AGBL4: variants seen among roughly 807,000 people sequenced by gnomAD.
AGBL4 encodes cytosolic carboxypeptidase 6.
In AGBL4, 58 loss-of-function variants were observed where a neutral mutation model predicts 66.4. That is an observed-to-expected ratio of 0.87 (90% CI 0.71 to 1.09). The LOEUF (loss-of-function observed/expected upper bound fraction) is 1.09. Ranked by LOEUF, AGBL4 falls within the 50% of genes least tolerant of loss-of-function variation. The probability of loss-of-function intolerance (pLI) is 0.00; values close to 1 mark genes in which losing one functional copy is unlikely to be tolerated. For synonymous variants in AGBL4, 234 were observed against 222.9 expected, an observed-to-expected ratio of 1.05 and a Z score of -0.44; for missense variants, 579 against 631.0, an observed-to-expected ratio of 0.92 and a Z score of 0.88.
intron 5 of AGBL4, among the ~76,000 whole-genome samples, chr1:48,903,431 A>G (rs954973775): frequency 6.6e-6 from 1 of 152,198 alleles, no homozygotes; most frequent in Admixed American, 6.5e-5. Flanking sequence ...TTGCTTGTAG[A>G]CTTGGCCTGA....
chr1:48,857,699 T>C (rs923636336), intron 6 of AGBL4, among the ~76,000 whole-genome samples: 1 of 151,748 alleles, frequency 6.6e-6, no homozygotes, highest in Non-Finnish European at 1.5e-5. Context: ...CCAGCCTGGG[T>C]GACAAAGTGA....
At chr1:49,625,135 C>T (rs945941730) in intron 3 of AGBL4, among the ~76,000 whole-genome samples, 1 of 152,136 alleles carries the variant, frequency 6.6e-6, no homozygotes, top group Non-Finnish European at 1.5e-5. Context: ...CCCAGTTGTT[C>T]CCTAAACTAC....
chr1:48,871,213 A>T (rs1185128725), intron 5 of AGBL4, among the ~76,000 whole-genome samples: 1 of 152,080 alleles, frequency 6.6e-6, no homozygotes, highest in African/African-American at 2.4e-5. Context: ...TTTAATATGG[A>T]TGGTAGGATA....
downstream of AGBL4, among the ~76,000 whole-genome samples, chr1:48,530,471 A>C (rs1229328102): frequency 1.3e-5 from 2 of 152,204 alleles, no homozygotes; most frequent in Non-Finnish European, 2.9e-5. Context: ...CAGGTGTGTC[A>C]GTTGAGTTAC....
At chr1:49,773,981 A>G (rs1644132507) in intron 2 of AGBL4, among the ~76,000 whole-genome samples, 2 of 152,202 alleles carry the variant, frequency 1.3e-5, no homozygotes, top group Admixed American at 6.5e-5. Flanking sequence ...GAATTTAGTG[A>G]AATGACTGTG....
intron 6 of AGBL4, among the ~76,000 whole-genome samples, chr1:48,756,400 T>G (rs898783196): frequency 4.6e-5 from 7 of 152,192 alleles, no homozygotes; most frequent in African/African-American, 1.7e-4. Context: ...TGTTTCAGGA[T>G]CTGTTCCCCT....
intron 5 of AGBL4, among the ~76,000 whole-genome samples, chr1:48,931,719 G>A (rs1655052382): frequency 1.3e-5 from 2 of 152,102 alleles, no homozygotes; most frequent in African/African-American, 4.8e-5. Flanking sequence ...ATGTTGACCA[G>A]CCTGGTCTTG....
At chr1:48,687,319 A>C (rs574477666) in intron 6 of AGBL4, among the ~76,000 whole-genome samples, 4 of 152,310 alleles carry the variant, frequency 2.6e-5, no homozygotes, top group Admixed American at 2.0e-4. Flanking sequence ...GTATCCAGAG[A>C]CTGTGAGGCT....
chr1:48,961,843 C>T (rs908813905), intron 5 of AGBL4, among the ~76,000 whole-genome samples: 1 of 152,198 alleles, frequency 6.6e-6, no homozygotes, highest in African/African-American at 2.4e-5. Flanking sequence ...CACCTAAGAT[C>T]AGGAGCCACC....
Position 49,703,324 on chromosome 1 carries a change from T to C in AGBL4, c.158-5887A>G, listed in dbSNP as rs56036646. Among the ~76,000 whole-genome samples, 1,002 of 151,984 alleles carry C rather than the reference T, an allele frequency of 6.6e-3. 13 individuals carry two copies. Among genetic ancestry groups the C allele is most frequent in the African/African-American group, 0.023 (946 of 41,480 alleles). Reference sequence around the variant, plus strand: ...CATTCTTAAAATAAAATAATTCCATTTACAATAGCATCAAAATAATACTTA... The same window carrying C: ...CATTCTTAAAATAAAATAATTCCATCTACAATAGCATCAAAATAATACTTA... On this transcript the variant is annotated intron_variant, in intron 2 of 13. Transcript: ENST00000371839.
At chr1:48,685,564 T>C (rs1254967708) in intron 6 of AGBL4, among the ~76,000 whole-genome samples, 1 of 152,156 alleles carries the variant, frequency 6.6e-6, no homozygotes, top group African/African-American at 2.4e-5. Flanking sequence ...AAACTGACAG[T>C]ACTTACTCCT....
At chr1:48,873,853 T>C (rs1304709886) in intron 5 of AGBL4, among the ~76,000 whole-genome samples, 1 of 152,056 alleles carries the variant, frequency 6.6e-6, no homozygotes, top group Non-Finnish European at 1.5e-5. Flanking sequence ...TACGAGTCTA[T>C]GGTTAAAAAT....
chr1:49,594,161 T>C (rs140780108), intron 3 of AGBL4, among the ~76,000 whole-genome samples: 52 of 152,218 alleles, frequency 3.4e-4, no homozygotes, highest in Non-Finnish European at 1.5e-5. Context: ...AAACTCTGCA[T>C]ATAAGTAAAC....
intron 5 of AGBL4, among the ~76,000 whole-genome samples, chr1:48,910,121 A>G (rs1219148564): frequency 1.3e-5 from 2 of 152,244 alleles, no homozygotes; most frequent in Non-Finnish European, 2.9e-5. Context: ...CTCAATGTAT[A>G]ATACAATAAA....
chr1:48,794,651 CT>C (rs1354287200), intron 6 of AGBL4, among the ~76,000 whole-genome samples: 1 of 152,090 alleles, frequency 6.6e-6, no homozygotes, highest in African/African-American at 2.4e-5. Context: ...AATGTTTTTC[CT>C]CTTAATTTCA....
At chr1:49,918,058 C>A (rs1010886292) in intron 1 of AGBL4, among the ~76,000 whole-genome samples, 41 of 152,114 alleles carry the variant, frequency 2.7e-4, no homozygotes, top group Non-Finnish European at 5.1e-4. Context: ...CACAACATAC[C>A]AGAATCTCTG....
chr1:49,878,495 T>G (rs1406674119), intron 1 of AGBL4, among the ~76,000 whole-genome samples: 1 of 152,134 alleles, frequency 6.6e-6, no homozygotes, highest in Non-Finnish European at 1.5e-5. Flanking sequence ...AATTCTGAGT[T>G]CTACTTTGAT....
chr1:48,931,282 A>C (rs570065897), intron 5 of AGBL4, among the ~76,000 whole-genome samples: 1 of 152,352 alleles, frequency 6.6e-6, no homozygotes, highest in Non-Finnish European at 1.5e-5. Flanking sequence ...GTAGGCAACA[A>C]CATGACAGGA....
intron 11 of AGBL4, 33 bp from the exon 12 acceptor site, chr1:48,539,771 A>T: frequency 7.1e-7 from 1 of 1,415,820 alleles, no homozygotes; most frequent in Non-Finnish European, 9.5e-7. Flanking sequence ...GCAACTTCGA[A>T]AACAGATTGA....
Sources: allele counts gnomAD v4.1 joint callset (sites outside exome capture counted in the v4.1 genomes callset), GRCh38; gene constraint gnomAD v4.1.1; transcripts MANE v1.5; gene names NCBI Gene and HGNC (gene_info 2026-07-23, HGNC 2026-07-21).